ZBTB20: variants seen among roughly 807,000 people sequenced by gnomAD.
ZBTB20 encodes the protein zinc finger and BTB domain containing 20, also known as zinc finger and BTB domain-containing protein 20.
ZBTB20 carries 9 observed loss-of-function variants against 56.9 expected under a neutral mutation model. The ratio of observed to expected loss-of-function variants is 0.16; its 90% CI spans 0.10 to 0.28. The LOEUF (loss-of-function observed/expected upper bound fraction) is 0.28. ZBTB20 is among the 10% of genes least tolerant of loss of function. The pLI is 1.00. For missense variants in ZBTB20, 655 were observed against 1,003.0 expected (o/e 0.65, Z 4.69); for synonymous variants, 417 against 420.7 (o/e 0.99, Z 0.11).
At chr3:114,940,909 T>G (rs1307132615) in intron 3 of ZBTB20, among the ~76,000 whole-genome samples, 2 of 146,408 alleles carry the variant, frequency 1.4e-5, no homozygotes, top group East Asian at 3.8e-4. Flanking sequence ...TTTCCCGGTT[T>G]GTTAAATTCA....
At chr3:114,511,311 A>G (rs1173952730) in intron 6 of ZBTB20, among the ~76,000 whole-genome samples, 2 of 152,160 alleles carry the variant, frequency 1.3e-5, no homozygotes, top group Admixed American at 6.6e-5. Context: ...AAGAATCATC[A>G]TATTGTAAGT....
In ZBTB20 at chr3:114,696,979, G is replaced by A. The variant is rs143454490; in HGVS notation, c.-342-3404C>T. Among the ~76,000 whole-genome samples the A allele has an allele frequency of 7.2e-3, 1,079 of 150,730 alleles. 6 individuals carry two copies. Among genetic ancestry groups the A allele is most frequent in the Middle Eastern group, 0.014 (4 of 284 alleles). ...TGTTGTTTAGATGATGAATTCTATAGGAAGTCTGAATTAACTGTCTCTGTT... is the reference window on the plus strand; with the variant it reads ...TGTTGTTTAGATGATGAATTCTATAAGAAGTCTGAATTAACTGTCTCTGTT... On this transcript the variant is annotated intron_variant, in intron 5 of 11. Coordinates refer to ENST00000675478, the MANE Select transcript of ZBTB20 (RefSeq NM_001348800.3).
chr3:114,983,308 G>A (rs1271779865), intron 2 of ZBTB20, among the ~76,000 whole-genome samples: 1 of 151,950 alleles, frequency 6.6e-6, no homozygotes, highest in African/African-American at 2.4e-5. Context: ...TCAGCATGAG[G>A]TATTCGTCTC....
chr3:114,887,790 C>T lies in ZBTB20; in HGVS notation c.-417+12514G>A, dbSNP rs558868091. Among the ~76,000 whole-genome samples, 16 of 152,252 alleles carry T rather than the reference C, an allele frequency of 1.1e-4. No individual in the cohort carries two copies. The South Asian group carries it at 3.1e-3, about 30-fold the overall frequency. Reference sequence around the variant, plus strand: ...ACAGCAGCCATAGGTAACTAGTACACTTTCCCTGTACTCTCTAGGACTAAA... The same window carrying T: ...ACAGCAGCCATAGGTAACTAGTACATTTTCCCTGTACTCTCTAGGACTAAA... On this transcript the variant is annotated intron_variant, in intron 4 of 11. Transcript: ENST00000675478.
chr3:114,388,333 C>T (rs2085404849), intron 8 of ZBTB20: 1 of 152,204 alleles, frequency 6.6e-6, no homozygotes, highest in South Asian at 2.1e-4. Flanking sequence ...AAACTTTCAT[C>T]AGTATTTTCC....
At position 114,339,120 on chromosome 3, in the gene ZBTB20, G is replaced by A. The variant is rs990208187; in HGVS notation, c.2111C>T (p.Pro704Leu). The stretch of plus-strand genomic sequence containing the variant: ...CCCCTCCGTGCAGGCCACCACGCCT[G>A]GGGGGCCAGCGCGGGCACCTGGGGG... The part of the protein sequence containing the change: ...GTPPGARAGP[P>L]GVVACTEGTT... Residue 704 changes from proline (P) to leucine (L), a missense_variant, in exon 12 of 12, where the codon CCA (proline) becomes CTA (leucine). Transcript: ENST00000675478. The surrounding 1 kb of genome is among the most constrained non-coding windows in gnomAD (Gnocchi z 4.2). 2 of 1,610,350 alleles carry A rather than the reference G, an allele frequency of 1.2e-6. No individual in the cohort carries two copies. The highest frequency in any genetic ancestry group is 2.2e-5 in the East Asian group (1 of 44,854).
chr3:115,089,424 A>T (rs2083106279), intron 1 of ZBTB20, among the ~76,000 whole-genome samples: 1 of 151,830 alleles, frequency 6.6e-6, no homozygotes, highest in Non-Finnish European at 1.5e-5. Flanking sequence ...ACCCCTTCTG[A>T]CCATTGAGAA....
intron 6 of ZBTB20, among the ~76,000 whole-genome samples, chr3:114,526,338 C>T (rs2047219667): frequency 6.6e-6 from 1 of 152,256 alleles, no homozygotes; most frequent in Middle Eastern, 3.4e-3. Context: ...GATGCACCTG[C>T]ACTAGTGAGT....
At chr3:114,347,077 GTTTTTTTT>G (rs59044965) in intron 11 of ZBTB20, among the ~76,000 whole-genome samples, 150 of 71,050 alleles carry the variant, frequency 2.1e-3, no homozygotes, top group African/African-American at 8.7e-3. Flanking sequence ...TTCTCTTCAG[GTTTTTTTT>G]TTTTTTTTTT....
At chr3:114,628,391 G>A (rs1219910262) in intron 6 of ZBTB20, among the ~76,000 whole-genome samples, 1 of 152,068 alleles carries the variant, frequency 6.6e-6, no homozygotes, top group Non-Finnish European at 1.5e-5. Flanking sequence ...ATCCAAAAGT[G>A]GAGCAAAGGG....
chr3:114,551,145 C>A (rs571000380), intron 6 of ZBTB20, among the ~76,000 whole-genome samples: 1 of 151,998 alleles, frequency 6.6e-6, no homozygotes, highest in African/African-American at 2.4e-5. Flanking sequence ...GTCTTTAAAT[C>A]GATTGTTTTT....
At chr3:115,023,653 C>A (rs1209199652) in intron 2 of ZBTB20, among the ~76,000 whole-genome samples, 1 of 150,692 alleles carries the variant, frequency 6.6e-6, no homozygotes, top group African/African-American at 2.4e-5. Flanking sequence ...TACTTTTTTC[C>A]TTTTTTAAAT....
At chr3:114,365,035 G>A (rs2082261174) in intron 10 of ZBTB20, among the ~76,000 whole-genome samples, 1 of 152,134 alleles carries the variant, frequency 6.6e-6, no homozygotes, top group Non-Finnish European at 1.5e-5. Context: ...CAGGATTGAT[G>A]TTCTGAAACC....
rs544730159 is a variant in ZBTB20 at position 114,953,238 on chromosome 3, C to T, written c.-456+21128G>A. Among the ~76,000 whole-genome samples, 8 of 146,076 alleles carry T rather than the reference C, an allele frequency of 5.5e-5. 1 individual carries two copies. In the South Asian group the frequency reaches 1.9e-3, roughly 34 times the overall value. On this transcript the variant is annotated intron_variant, in intron 3 of 11. Transcript: ENST00000675478. ...ATACAAAGAAATATCGTCAGAAGAA[C>T]AATAGATAAATTTAAATTGAATGCT...
At chr3:114,747,989 CA>C (rs1312190238) in intron 5 of ZBTB20, among the ~76,000 whole-genome samples, 1 of 148,950 alleles carries the variant, frequency 6.7e-6, no homozygotes, top group African/African-American at 2.6e-5. Flanking sequence ...ACTTTTGATA[CA>C]TACACAATAA....
intron 1 of ZBTB20, among the ~76,000 whole-genome samples, chr3:115,111,933 G>A (rs886168127): frequency 6.6e-6 from 1 of 152,060 alleles, no homozygotes; most frequent in Non-Finnish European, 1.5e-5. Context: ...AGCTAATCAA[G>A]AAAAGTGAAG....
At chr3:114,729,694 A>C (rs576024916) in intron 5 of ZBTB20, among the ~76,000 whole-genome samples, 1 of 152,182 alleles carries the variant, frequency 6.6e-6, no homozygotes, top group Non-Finnish European at 1.5e-5. Flanking sequence ...CTAAAGGAAA[A>C]CATTTATTGA....
At chr3:115,031,992 T>C (rs181671490) in intron 2 of ZBTB20, among the ~76,000 whole-genome samples, 38 of 151,582 alleles carry the variant, frequency 2.5e-4, no homozygotes, top group Non-Finnish European at 3.1e-4. Context: ...GTTAGTGTCA[T>C]ACTATCATGA....
intron 3 of ZBTB20, among the ~76,000 whole-genome samples, chr3:114,964,652 T>G: frequency 6.6e-6 from 1 of 151,630 alleles, no homozygotes; most frequent in African/African-American, 2.4e-5. Context: ...CAGCAAACAG[T>G]GAAGTGTGTG....
Sources: gnomAD v4.1 joint callset for allele counts (sites outside exome capture counted in the v4.1 genomes callset) on GRCh38, gnomAD v4.1.1 for gene constraint, Gnocchi (gnomAD v3.1) non-coding constraint, MANE v1.5 for transcripts, NCBI Gene and HGNC (gene_info 2026-07-23, HGNC 2026-07-21) for gene names.